EYA1: variants seen among roughly 807,000 people sequenced by gnomAD.
EYA1 encodes the protein EYA transcriptional coactivator and phosphatase 1.
EYA1 carries 16 observed loss-of-function variants against 82.0 expected under a neutral mutation model. The ratio of observed to expected loss-of-function variants is 0.20; its 90% CI spans 0.13 to 0.30. The LOEUF (loss-of-function observed/expected upper bound fraction) is 0.30, where lower values mean the gene tolerates loss of function less well. Among genes scored for constraint, EYA1 ranks in the 10% least tolerant of loss-of-function variants. The pLI is 1.00. For missense variants in EYA1, 633 were observed against 730.7 expected, an observed-to-expected ratio of 0.87 and a Z score of 1.54; for synonymous variants, 261 against 264.4, an observed-to-expected ratio of 0.99 and a Z score of 0.12.
At chr8:71,412,000 C>A (rs1423080592) in intron 2 of EYA1, among the ~76,000 whole-genome samples, 2 of 151,940 alleles carry the variant, frequency 1.3e-5, no homozygotes, top group African/African-American at 4.8e-5. Flanking sequence ...AAACGATAGA[C>A]TGCATTAAGA....
At chr8:71,544,886 C>T (rs149452305) in intron 1 of EYA1, among the ~76,000 whole-genome samples, 229 of 152,298 alleles carry the variant, frequency 1.5e-3, no homozygotes, top group Non-Finnish European at 2.9e-3. Context: ...TAGTTTCTGC[C>T]TATCATTCAG....
chr8:71,513,186 AAAAC>A (rs748355595), intron 2 of EYA1, among the ~76,000 whole-genome samples: 19 of 152,162 alleles, frequency 1.2e-4, no homozygotes, highest in Non-Finnish European at 2.1e-4. Context: ...TAAAAATTTT[AAAAC>A]AAACAAAAGA....
At chr8:71,264,568 T>G (rs555238995) in intron 11 of EYA1, among the ~76,000 whole-genome samples, 5 of 145,018 alleles carry the variant, frequency 3.4e-5, no homozygotes, top group African/African-American at 1.4e-4. Context: ...TTTACATTCG[T>G]GAGCAATTCA....
intron 9 of EYA1, among the ~76,000 whole-genome samples, chr8:71,279,301 A>G (rs1260151261): frequency 6.6e-6 from 1 of 152,252 alleles, no homozygotes; most frequent in Non-Finnish European, 1.5e-5. Context: ...CATGAGCACG[A>G]AGTAGATGTC....
At position 71,244,706 on chromosome 8, in the gene EYA1, A is replaced by G; in HGVS notation, c.1051-14T>C. On this transcript the variant is annotated splice_polypyrimidine_tract_variant and intron_variant, in intron 11 of 17. Transcript: ENST00000340726. Reference sequence around the variant, plus strand: ...AGTGGGTGGATCCTAAAATAAGAATATGACAGGTGAAGAACATGTATACTT... The same window carrying G: ...AGTGGGTGGATCCTAAAATAAGAATGTGACAGGTGAAGAACATGTATACTT... 1 of 1,467,808 alleles carries G rather than the reference A, an allele frequency of 6.8e-7. No homozygotes were observed. Among genetic ancestry groups the G allele is most frequent in the Non-Finnish European group, 9.5e-7 (1 of 1,047,542 alleles). 90.9% of individuals were successfully genotyped at this position (1,467,808 alleles called of 1,614,324 possible).
chr8:71,299,365 C>T, intron 8 of EYA1, 132 bp from the exon 9 acceptor site: 1 of 876,046 alleles, frequency 1.1e-6, no homozygotes, highest in Admixed American at 2.0e-5. Flanking sequence ...TACAAGTACA[C>T]ATTAACTAAA....
intron 2 of EYA1, among the ~76,000 whole-genome samples, chr8:71,384,536 A>G (rs1417497844): frequency 3.3e-5 from 5 of 152,218 alleles, no homozygotes; most frequent in Admixed American, 3.3e-4. Flanking sequence ...CTGTTCTGGC[A>G]GATACTCCAT....
upstream of EYA1, chr8:71,362,244 T>C (rs1827471645): frequency 7.3e-6 from 7 of 954,528 alleles, no homozygotes; most frequent in East Asian, 1.3e-4. Context: ...AATGCAACAA[T>C]TGAAAGGAGC....
Position 71,399,550 on chromosome 8 carries a change from T to C in EYA1, c.34-43039A>G, listed in dbSNP as rs542969576. Among the ~76,000 whole-genome samples, 56 of 152,222 alleles carry C rather than the reference T, an allele frequency of 3.7e-4. 1 individual carries two copies. The highest frequency in any genetic ancestry group is 1.3e-3 in the African/African-American group (52 of 41,524). On this transcript the variant is annotated intron_variant, in intron 2 of 18. Coordinates refer to the EYA1 transcript ENST00000643681. ...AATGAACTCACATTCACAATTGCTA[T>C]AAGAAGAGTAAATACCTAGGAATAC... is the stretch of plus-strand genomic sequence containing the variant.
intron 2 of EYA1, among the ~76,000 whole-genome samples, chr8:71,355,933 G>A (rs1445768248): frequency 6.6e-6 from 1 of 150,802 alleles, no homozygotes; most frequent in Non-Finnish European, 1.5e-5. Context: ...AAAGTTTAGG[G>A]CCCATTTACT....
rs1409852188 is a variant in EYA1 at position 71,336,820 on chromosome 8, TAAC to T, written c.125-2649_125-2647del. Among the ~76,000 whole-genome samples the T allele has an allele frequency of 2.6e-5, 4 of 152,292 alleles. No homozygotes were observed. The East Asian group carries it at 7.7e-4, about 29-fold the overall frequency. On this transcript the variant is annotated intron_variant, in intron 3 of 17. Transcript: ENST00000340726. ...TGAAGAGAAGAGGATGTACATAAAA[TAAC>T]CACCAGGATATTCATGATTTTATCA...
chr8:71,315,070 A>T (rs1821761543), intron 7 of EYA1, among the ~76,000 whole-genome samples: 1 of 152,172 alleles, frequency 6.6e-6, no homozygotes, highest in African/African-American at 2.4e-5. Context: ...CTGGGAGAAG[A>T]GCAAGATGAA....
intron 2 of EYA1, among the ~76,000 whole-genome samples, chr8:71,371,995 G>C (rs929904130): frequency 2.6e-5 from 4 of 152,052 alleles, no homozygotes; most frequent in Non-Finnish European, 2.9e-5. Flanking sequence ...CCAACACCCA[G>C]ATAACTAGAG....
intron 2 of EYA1, among the ~76,000 whole-genome samples, chr8:71,519,465 A>G (rs967611289): frequency 1.3e-5 from 2 of 152,108 alleles, no homozygotes; most frequent in Non-Finnish European, 2.9e-5. Flanking sequence ...TGATGAAAAT[A>G]TAGAGAGTTG....
chr8:71,480,145 C>T (rs915913572), intron 2 of EYA1, among the ~76,000 whole-genome samples: 15 of 152,138 alleles, frequency 9.9e-5, no homozygotes, highest in African/African-American at 1.7e-4. Flanking sequence ...TTATCCATAA[C>T]GTATTGTTAC....
intron 2 of EYA1, among the ~76,000 whole-genome samples, chr8:71,530,601 T>C (rs1027952402): frequency 6.6e-6 from 1 of 152,218 alleles, no homozygotes; most frequent in African/African-American, 2.4e-5. Context: ...TAGTATAAAA[T>C]TTCCCAGTTC....
At chr8:71,535,734 G>C in intron 2 of EYA1, 1 of 1,516,618 alleles carries the variant, frequency 6.6e-7, no homozygotes. Flanking sequence ...CTGACATTCT[G>C]TTTACTTACA....
At chr8:71,440,682 C>T (rs1806365343) in intron 2 of EYA1, among the ~76,000 whole-genome samples, 1 of 152,010 alleles carries the variant, frequency 6.6e-6, no homozygotes, top group Non-Finnish European at 1.5e-5. Flanking sequence ...AACTTGGAGC[C>T]CATACGTCAA....
chr8:71,423,190 A>T (rs1831239156), intron 2 of EYA1, among the ~76,000 whole-genome samples: 1 of 152,194 alleles, frequency 6.6e-6, no homozygotes, highest in Non-Finnish European at 1.5e-5. Flanking sequence ...TCATTCCAAA[A>T]GTTTAGAAGA....
Sources: allele counts gnomAD v4.1 joint callset (sites outside exome capture counted in the v4.1 genomes callset), GRCh38; gene constraint gnomAD v4.1.1; transcripts MANE v1.5; gene names NCBI Gene and HGNC (gene_info 2026-07-23, HGNC 2026-07-21).